KIF26B: variants seen among roughly 807,000 people sequenced by gnomAD.
KIF26B encodes kinesin-like protein KIF26B.
A neutral mutation model predicts 151.2 loss-of-function variants in KIF26B; 63 were observed. The ratio of observed to expected loss-of-function variants is 0.42; its 90% CI spans 0.34 to 0.51. KIF26B has a LOEUF of 0.51. Among genes scored for constraint, KIF26B ranks in the 20% least tolerant of loss-of-function variants. The pLI is 0.07. For missense variants in KIF26B, 2,813 were observed against 2,913.6 expected (o/e 0.97, Z 0.79); for synonymous variants, 1,357 against 1,262.1 (o/e 1.08, Z -1.59).
intron 10 of KIF26B, chr1:245,673,957 A>G (rs1424707421): frequency 6.6e-6 from 1 of 152,238 alleles, no homozygotes; most frequent in Non-Finnish European, 1.5e-5. Context: ...CTGGGTTACT[A>G]TGACAACATG....
At position 245,472,602 on chromosome 1, in the gene KIF26B, G is replaced by A. The variant is rs570749652; in HGVS notation, c.1166+52857G>A. On this transcript the variant is annotated intron_variant, in intron 4 of 14. Coordinates refer to ENST00000407071, the MANE Select transcript of KIF26B (RefSeq NM_018012.4). ...CATTTTGGGTTAGGGATCTTCAACC[G>A]GTATGCTAACAATAGTGATCTTATG... Among the ~76,000 whole-genome samples, 12 of 152,268 alleles carry A rather than the reference G, an allele frequency of 7.9e-5. No homozygotes were observed. In the South Asian group the frequency reaches 1.9e-3, roughly 24 times the overall value.
chr1:245,635,597 T>G (rs1327020191), intron 9 of KIF26B, among the ~76,000 whole-genome samples: 1 of 151,942 alleles, frequency 6.6e-6, no homozygotes, highest in African/African-American at 2.4e-5. Context: ...TCCATTGTTT[T>G]TGGTTTTCTG....
At chr1:245,201,277 A>G (rs1199088723) in intron 2 of KIF26B, among the ~76,000 whole-genome samples, 1 of 152,252 alleles carries the variant, frequency 6.6e-6, no homozygotes, top group African/African-American at 2.4e-5. Flanking sequence ...GAAATAACAT[A>G]GCAGTTATAA....
At chr1:245,534,420 C>T (rs897592268) in intron 4 of KIF26B, among the ~76,000 whole-genome samples, 3 of 152,142 alleles carry the variant, frequency 2.0e-5, no homozygotes, top group African/African-American at 7.2e-5. Flanking sequence ...CTCGGCCTCC[C>T]AGAGTGCTGG....
chr1:245,204,796 T>C (rs189590757), intron 2 of KIF26B, among the ~76,000 whole-genome samples: 6 of 152,242 alleles, frequency 3.9e-5, no homozygotes, highest in Admixed American at 2.6e-4. Context: ...TTTTTTTCTT[T>C]AAGAGATGAG....
intron 2 of KIF26B, chr1:245,206,469 AT>A (rs1669408272): frequency 6.6e-6 from 1 of 152,232 alleles, no homozygotes; most frequent in South Asian, 2.1e-4. Context: ...TAATCCAATA[AT>A]CATGCAAGAA....
intron 9 of KIF26B, among the ~76,000 whole-genome samples, chr1:245,633,457 C>T (rs540071459): frequency 6.6e-6 from 1 of 151,934 alleles, no homozygotes; most frequent in African/African-American, 2.4e-5. Context: ...GTATTGCTTA[C>T]CTTGATGATT....
At position 245,367,190 on chromosome 1, in the gene KIF26B, C is replaced by G; in HGVS notation, c.822C>G (p.Ser274Arg). The change falls in exon 3 of 15, where the codon AGC (serine) becomes AGG (arginine). Residue 274 changes from serine to arginine, a missense_variant. Ser to Arg is a moderately radical substitution (Grantham distance 110, BLOSUM62 -1). This residue lies in a region of KIF26B where 676 missense variants were observed against 688.1 expected (regional missense o/e 0.98). Transcript: ENST00000407071. The surrounding 1 kb of genome is among the most constrained non-coding windows in gnomAD (Gnocchi z 4.2). ...GCAAACCCAGCAGCCTTGGGGTCAG[C>G]AATGGGGCGGAAAAGAAGAGCGGGT... ...HGSKPSSLGV[S>R]NGAEKKSGSP... The G allele has an allele frequency of 6.2e-7, 1 of 1,608,582 alleles. No individual in the cohort carries two copies. The highest frequency in any genetic ancestry group is 8.5e-7 in the Non-Finnish European group (1 of 1,177,576).
At chr1:245,342,315 C>A (rs1672351367) in intron 2 of KIF26B, among the ~76,000 whole-genome samples, 1 of 152,196 alleles carries the variant, frequency 6.6e-6, no homozygotes, top group African/African-American at 2.4e-5. Context: ...GCGTGGTTTT[C>A]TCCATCCAGG....
intron 2 of KIF26B, among the ~76,000 whole-genome samples, chr1:245,264,175 T>C (rs139269350): frequency 1.1e-4 from 17 of 152,306 alleles, no homozygotes; most frequent in African/African-American, 4.1e-4. Flanking sequence ...GCTTGGCATG[T>C]ATATTACGAG....
intron 5 of KIF26B, among the ~76,000 whole-genome samples, chr1:245,584,114 G>A (rs772422946): frequency 5.3e-5 from 8 of 152,114 alleles, no homozygotes; most frequent in Non-Finnish European, 7.4e-5. Context: ...CTCGTGACTC[G>A]GTGCCATCCT....
chr1:245,373,676 A>G (rs1673181099), intron 3 of KIF26B, among the ~76,000 whole-genome samples: 1 of 152,186 alleles, frequency 6.6e-6, no homozygotes, highest in South Asian at 2.1e-4. Flanking sequence ...TGGACTGAAC[A>G]CTGGCCGAAG....
intron 10 of KIF26B, among the ~76,000 whole-genome samples, chr1:245,670,042 G>A (rs75021678): frequency 0.02 from 2,992 of 151,912 alleles, 102 homozygotes; most frequent in African/African-American, 0.068. Context: ...ATACTACTTC[G>A]GTGACAGGTG....
intron 2 of KIF26B, among the ~76,000 whole-genome samples, chr1:245,171,511 T>G (rs547586817): frequency 6.6e-6 from 1 of 152,170 alleles, no homozygotes; most frequent in Non-Finnish European, 1.5e-5. Flanking sequence ...GCCATTGCAC[T>G]CCAGCCTAGG....
chr1:245,467,347 A>C (rs565543352), intron 4 of KIF26B, among the ~76,000 whole-genome samples: 21 of 152,338 alleles, frequency 1.4e-4, no homozygotes, highest in African/African-American at 4.8e-4. Context: ...ATTTCCAGGC[A>C]GTGGTGCCTG....
At chr1:245,570,738 G>A (rs1196284622) in intron 5 of KIF26B, among the ~76,000 whole-genome samples, 2 of 152,278 alleles carry the variant, frequency 1.3e-5, no homozygotes, top group Admixed American at 1.3e-4. Flanking sequence ...TAGACAATTT[G>A]TGTGAGTCCA....
At chr1:245,624,174 T>C (rs2043696741) in intron 9 of KIF26B, among the ~76,000 whole-genome samples, 1 of 152,138 alleles carries the variant, frequency 6.6e-6, no homozygotes. Context: ...CAGGTAGTTA[T>C]TTATAGCAGT....
chr1:245,469,287 C>T (rs1282014595), intron 4 of KIF26B, among the ~76,000 whole-genome samples: 1 of 152,220 alleles, frequency 6.6e-6, no homozygotes, highest in African/African-American at 2.4e-5. Flanking sequence ...GAAACAGCGT[C>T]ACTCAGGGGA....
chr1:245,622,904 G>A (rs572268523), intron 9 of KIF26B, among the ~76,000 whole-genome samples: 25 of 152,220 alleles, frequency 1.6e-4, no homozygotes, highest in Non-Finnish European at 3.1e-4. Context: ...GCAAAAAGGC[G>A]GCCTTCTCCG....
Sources: gnomAD v4.1 joint callset for allele counts (sites outside exome capture counted in the v4.1 genomes callset) on GRCh38, gnomAD v4.1.1 for gene constraint, gnomAD v4.1.1 regional missense constraint, Gnocchi (gnomAD v3.1) non-coding constraint, MANE v1.5 for transcripts, NCBI Gene and HGNC (gene_info 2026-07-23, HGNC 2026-07-21) for gene names.